Variants in MAML3 observed in about 807,000 individuals in gnomAD.
The protein encoded by MAML3 is mastermind like transcriptional coactivator 3.
MAML3 carries 27 observed loss-of-function variants against 101.9 expected under a neutral mutation model. The observed-to-expected ratio is 0.27, with a 90% confidence interval of 0.20 to 0.37. The LOEUF (loss-of-function observed/expected upper bound fraction) is 0.37, where lower values mean the gene tolerates loss of function less well. Ranked by LOEUF, MAML3 falls within the 10% of genes least tolerant of loss-of-function variation. MAML3 has a pLI of 1.00. For missense variants in MAML3, 1,316 were observed against 1,444.9 expected (o/e 0.91, Z 1.45); for synonymous variants, 501 against 555.9 (o/e 0.90, Z 1.39).
intron 1 of MAML3, among the ~76,000 whole-genome samples, chr4:140,082,554 GC>G (rs2110969886): frequency 6.6e-6 from 1 of 152,088 alleles, no homozygotes; most frequent in South Asian, 2.1e-4. Context: ...CGTTACTATG[GC>G]CACTAGCCCA....
chr4:140,012,675 T>C (rs1726581156), intron 1 of MAML3, among the ~76,000 whole-genome samples: 1 of 152,200 alleles, frequency 6.6e-6, no homozygotes, highest in African/African-American at 2.4e-5. Context: ...TCTGTACCTT[T>C]TTACCCAGCC....
In MAML3 at chr4:139,718,216, T is replaced by A. The variant is rs1408753061; in HGVS notation, c.*1107A>T. 6.6e-6 allele frequency: 1 copy of A among 152,210 alleles called. No individual in the cohort carries two copies. Among genetic ancestry groups the A allele is most frequent in the Admixed American group, 6.5e-5 (1 of 15,274 alleles). The allele number at this position is 152,210 out of a possible 1,614,324, so 9.4% of individuals were successfully genotyped here. A position where few individuals can be genotyped will look rare whatever the true frequency, so the allele number is the denominator to read the frequency against. On this transcript the variant is annotated 3_prime_UTR_variant, in exon 5 of 5. Transcript: ENST00000509479. ...CGACTCCCAAACATCAGAGCAGCCC[T>A]CTTGGTTCCAGGCAGATATTCATTC...
chr4:139,883,218 AG>A (rs1318654602), intron 2 of MAML3, among the ~76,000 whole-genome samples: 1 of 152,154 alleles, frequency 6.6e-6, no homozygotes, highest in East Asian at 1.9e-4. Context: ...GGAGGGAGGG[AG>A]AGAGGGAAAA....
intron 1 of MAML3, among the ~76,000 whole-genome samples, chr4:139,921,318 G>A (rs1471824886): frequency 2.0e-5 from 3 of 152,058 alleles, no homozygotes; most frequent in African/African-American, 2.4e-5. Context: ...GCTGGCACAC[G>A]TGAAATCTGG....
At chr4:139,939,698 C>T (rs1022666491) in intron 1 of MAML3, among the ~76,000 whole-genome samples, 4 of 151,886 alleles carry the variant, frequency 2.6e-5, no homozygotes, top group Non-Finnish European at 4.4e-5. Flanking sequence ...GCCGGGATAC[C>T]TCCTCTGTCT....
At chr4:139,777,342 C>T (rs1730112479) in intron 2 of MAML3, among the ~76,000 whole-genome samples, 3 of 152,166 alleles carry the variant, frequency 2.0e-5, no homozygotes. Context: ...CATTTCCTTC[C>T]CTCCTCTACC....
intron 2 of MAML3, among the ~76,000 whole-genome samples, chr4:139,780,623 C>CTTTTTTTTTTTT (rs35929438): frequency 7.3e-6 from 1 of 136,958 alleles, no homozygotes. Context: ...TCTTTCTTTT[C>CTTTTTTTTTTTT]TTTTTTTTTT....
At chr4:139,872,934 A>C (rs766022450) in intron 2 of MAML3, among the ~76,000 whole-genome samples, 3 of 151,986 alleles carry the variant, frequency 2.0e-5, no homozygotes, top group Non-Finnish European at 2.9e-5. Context: ...TAAAAAAATT[A>C]GCCGGGCATG....
chr4:140,109,014 G>T (rs1728398404), intron 1 of MAML3, among the ~76,000 whole-genome samples: 1 of 152,080 alleles, frequency 6.6e-6, no homozygotes, highest in South Asian at 2.1e-4. Context: ...AGACTGCATG[G>T]CTAAATGAGA....
intron 1 of MAML3, among the ~76,000 whole-genome samples, chr4:140,057,843 T>C (rs1212915969): frequency 6.6e-6 from 1 of 152,192 alleles, no homozygotes; most frequent in African/African-American, 2.4e-5. Context: ...TCACCCTGCT[T>C]CTAGTCTTCT....
At chr4:139,991,487 T>A (rs1480850563) in intron 1 of MAML3, among the ~76,000 whole-genome samples, 4 of 152,180 alleles carry the variant, frequency 2.6e-5, no homozygotes, top group Admixed American at 2.0e-4. Flanking sequence ...TTTCTAATAA[T>A]CATGAATCAA....
At chr4:139,795,323 T>C (rs972298843) in intron 2 of MAML3, among the ~76,000 whole-genome samples, 2 of 152,206 alleles carry the variant, frequency 1.3e-5, no homozygotes. Context: ...TGGCTGTTGA[T>C]TTTTAAAAAC....
At chr4:139,946,889 CCACACACACA>C (rs544250515) in intron 1 of MAML3, among the ~76,000 whole-genome samples, 2 of 126,842 alleles carry the variant, frequency 1.6e-5, no homozygotes, top group Admixed American at 8.9e-5. Context: ...GCAGAGTAAG[CCACACACACA>C]CACACACACA....
At chr4:139,967,241 A>G (rs553668524) in intron 1 of MAML3, among the ~76,000 whole-genome samples, 90 of 152,222 alleles carry the variant, frequency 5.9e-4, no homozygotes, top group African/African-American at 1.9e-3. Context: ...TAGGAGTTCA[A>G]TGAAAGGCAG....
At chr4:139,970,694 G>C (rs755215129) in intron 1 of MAML3, among the ~76,000 whole-genome samples, 1 of 152,164 alleles carries the variant, frequency 6.6e-6, no homozygotes, top group Non-Finnish European at 1.5e-5. Flanking sequence ...TCTTGAGGCG[G>C]ACTTAGGGGC....
intron 1 of MAML3, among the ~76,000 whole-genome samples, chr4:139,920,692 C>T (rs1005370844): frequency 4.6e-5 from 7 of 152,196 alleles, no homozygotes; most frequent in South Asian, 2.1e-4. Context: ...ACATCTGATC[C>T]TTAATAGAGC....
At chr4:139,742,155 T>A (rs1307233983) in intron 2 of MAML3, among the ~76,000 whole-genome samples, 1 of 150,564 alleles carries the variant, frequency 6.6e-6, no homozygotes, top group South Asian at 2.1e-4. Context: ...TTTTCTTTTT[T>A]TTTTTTTTTT....
chr4:139,719,876 G>A lies in MAML3; in HGVS notation c.2864C>T (p.Thr955Ile). 1 of 1,613,974 alleles carries A rather than the reference G, an allele frequency of 6.2e-7. No individual in the cohort carries two copies. Among genetic ancestry groups the A allele is most frequent in the South Asian group, 1.1e-5 (1 of 91,088 alleles). The part of the protein sequence containing the change: ...APPRLQSLMG[T>I]VQQGAQSWQQ... ...CCAGCTTTGTGCTCCTTGCTGGACT[G>A]TTCCCATAAGGCTCTGCAGCCTTGG... Residue 955 changes from threonine to isoleucine, a missense_variant, in exon 5 of 5, where the codon ACA (threonine) becomes ATA (isoleucine). Thr to Ile is a moderately conservative substitution (Grantham distance 89, BLOSUM62 -1). Coordinates refer to ENST00000509479, the MANE Select transcript of MAML3 (RefSeq NM_018717.5).
intron 1 of MAML3, among the ~76,000 whole-genome samples, chr4:139,900,941 G>A (rs1732706588): frequency 6.6e-6 from 1 of 152,198 alleles, no homozygotes; most frequent in African/African-American, 2.4e-5. Flanking sequence ...AGAGAGGACA[G>A]GTAGTTTGTC....
Sources: allele counts gnomAD v4.1 joint callset (sites outside exome capture counted in the v4.1 genomes callset), GRCh38; gene constraint gnomAD v4.1.1; transcripts MANE v1.5; gene names NCBI Gene and HGNC (gene_info 2026-07-23, HGNC 2026-07-21).